Variants in NCOR1 observed in about 807,000 individuals in gnomAD.
The protein encoded by NCOR1 is protein phosphatase 1, regulatory subunit 109.
A neutral mutation model predicts 288.1 loss-of-function variants in NCOR1; 63 were observed. The ratio of observed to expected loss-of-function variants is 0.22; its 90% CI spans 0.18 to 0.27. The LOEUF (loss-of-function observed/expected upper bound fraction) is 0.27, where lower values mean the gene tolerates loss of function less well. Ranked by LOEUF, NCOR1 falls within the 10% of genes least tolerant of loss-of-function variation. The pLI is 1.00. For synonymous variants in NCOR1, 1,007 were observed against 1,065.9 expected (o/e 0.94, Z 1.08); for missense variants, 2,397 against 3,019.2 (o/e 0.79, Z 4.83).
chr17:16,080,664 G>C lies in NCOR1; in HGVS notation c.3241C>G (p.Pro1081Ala). The change falls in exon 24 of 46, where the codon CCG becomes GCG. Residue 1081 changes from proline (P) to alanine (A), a missense_variant. By Grantham distance (27) the Pro-to-Ala change is conservative. Coordinates refer to ENST00000268712, the MANE Select transcript of NCOR1 (RefSeq NM_006311.4). ...QASYTQETPK[P>A]SVGSISLGLP... ...CCAAGAGAGATAGATCCCACTGACGGCTTGGGTGTTTCTTGAGTGTAGGAA... is the reference window on the plus strand; with the variant it reads ...CCAAGAGAGATAGATCCCACTGACGCCTTGGGTGTTTCTTGAGTGTAGGAA... 1 of 1,614,076 alleles carries C rather than the reference G, an allele frequency of 6.2e-7. No homozygotes were observed. Among genetic ancestry groups the C allele is most frequent in the Non-Finnish European group, 8.5e-7 (1 of 1,179,994 alleles).
At chr17:16,205,357 G>A (rs1160266573) in intron 1 of NCOR1, among the ~76,000 whole-genome samples, 2 of 152,160 alleles carry the variant, frequency 1.3e-5, no homozygotes, top group African/African-American at 4.8e-5. Flanking sequence ...GCTCAGTGAT[G>A]CATGCCTGTA....
At chr17:16,036,321 C>T (rs965498770) in intron 44 of NCOR1, among the ~76,000 whole-genome samples, 4 of 152,214 alleles carry the variant, frequency 2.6e-5, no homozygotes, top group East Asian at 1.9e-4. Flanking sequence ...TCTGTAAACA[C>T]ATGCTGTCAT....
intron 35 of NCOR1, 57 bp downstream of exon 35, chr17:16,064,011 G>A (rs757368842): frequency 6.9e-6 from 11 of 1,594,060 alleles, no homozygotes; most frequent in Middle Eastern, 3.3e-4. Context: ...ATTAAGCACA[G>A]TGTACAAGAT....
chr17:16,091,750 TATA>T, intron 22 of NCOR1, 110 bp downstream of exon 22: 1 of 1,553,532 alleles, frequency 6.4e-7, no homozygotes, highest in Non-Finnish European at 8.7e-7. Flanking sequence ...TTAGGACAAA[TATA>T]ATAATCAGTT....
chr17:16,094,001 G>A lies in NCOR1; in HGVS notation c.2821-1943C>T, dbSNP rs558119785. ...CACCTCACCACAACCTCAAACTCTC[G>A]AGCTCAAGGAATCCTTCCACCTCAG... On this transcript the variant is annotated intron_variant, in intron 21 of 45. Coordinates refer to ENST00000268712, the MANE Select transcript of NCOR1 (RefSeq NM_006311.4). Among the ~76,000 whole-genome samples the A allele has an allele frequency of 2.6e-5, 4 of 151,872 alleles. No individual in the cohort carries two copies. In the South Asian group the frequency reaches 8.3e-4, roughly 32 times the overall value.
Position 16,058,723 on chromosome 17 carries a change from T to C in NCOR1, c.5882-124A>G, listed in dbSNP as rs1051902375. 4.8e-6 allele frequency: 5 copies of C among 1,041,490 alleles called. No individual in the cohort carries two copies. The South Asian group carries it at 7.6e-5, about 16-fold the overall frequency. 64.5% of individuals were successfully genotyped at this position (1,041,490 alleles called of 1,614,324 possible). On this transcript the variant is annotated intron_variant, in intron 37 of 45. Coordinates refer to ENST00000268712, the MANE Select transcript of NCOR1 (RefSeq NM_006311.4). ...CATGTTCAAAGGTATTCCAGGTTAA[T>C]GAGGGTTTTCTGAAGTTTTATGGGC...
chr17:16,146,657 T>C, intron 9 of NCOR1, 109 bp from the exon 10 acceptor site: 1 of 1,029,406 alleles, frequency 9.7e-7, no homozygotes, highest in Non-Finnish European at 1.3e-6. Flanking sequence ...AGAAGTACAT[T>C]TGGCTTATGA....
rs1235059966 is a variant in NCOR1 at position 16,101,428 on chromosome 17, C to T, written c.2512G>A (p.Gly838Ser). ...AAGTCTCTTTCTTTGGTATTATCACCTTCAACTTTAGATGCATGGTTTTCT... is the reference window on the plus strand; with the variant it reads ...AAGTCTCTTTCTTTGGTATTATCACTTTCAACTTTAGATGCATGGTTTTCT... ...VPENHASKVEGDNTKERDLDR... is the reference protein window; with the variant it reads ...VPENHASKVESDNTKERDLDR... The change falls in exon 20 of 46, where the codon GGT becomes AGT. Residue 838 changes from glycine (G) to serine (S), a missense_variant. Coordinates refer to ENST00000268712, the MANE Select transcript of NCOR1 (RefSeq NM_006311.4). 6.2e-7 allele frequency: 1 copy of T among 1,614,210 alleles called. No homozygotes were observed. The highest frequency in any genetic ancestry group is 2.2e-5 in the East Asian group (1 of 44,894).
At position 16,101,380 on chromosome 17, in the gene NCOR1, C is replaced by T. The variant is rs765129231; in HGVS notation, c.2560G>A (p.Glu854Lys). Residue 854 changes from glutamate to lysine, a missense_variant, in exon 20 of 46, where the codon GAA becomes AAA. Physicochemically the swap from Glu to Lys is moderately conservative, Grantham distance 56. This residue lies in a region of NCOR1 where 1,872 missense variants were observed against 2,187.8 expected (regional missense o/e 0.86). Coordinates refer to ENST00000268712, the MANE Select transcript of NCOR1 (RefSeq NM_006311.4). ...RDLDRASEKV[E>K]PRDEDLVVAQ... The stretch of plus-strand genomic sequence containing the variant: ...ACCACCAAATCTTCATCTCTAGGTT[C>T]CACCTTCTCACTGGCTCTATCCAAG... The T allele has an allele frequency of 3.1e-6, 5 of 1,614,210 alleles. No homozygotes were observed. In the East Asian group the frequency reaches 8.9e-5, roughly 29 times the overall value.
At chr17:16,114,239 G>C (rs1040237709) in intron 18 of NCOR1, among the ~76,000 whole-genome samples, 3 of 148,542 alleles carry the variant, frequency 2.0e-5, no homozygotes, top group Non-Finnish European at 3.0e-5. Context: ...CACAAAAATA[G>C]CATGAGAAAG....
At chr17:16,046,852 A>G (rs770432492) in intron 42 of NCOR1, 99 bp downstream of exon 42, 2 of 1,388,394 alleles carry the variant, frequency 1.4e-6, no homozygotes, top group South Asian at 1.4e-5. Context: ...GATGTCCTGT[A>G]AAGAGCCTTC....
chr17:16,210,830 C>T (rs975369353), intron 1 of NCOR1, among the ~76,000 whole-genome samples: 7 of 151,694 alleles, frequency 4.6e-5, no homozygotes, highest in South Asian at 2.1e-4. Context: ...CCCGGGTTCA[C>T]GCCATTCTCC....
Position 16,029,533 on chromosome 17 carries a change from T to C in NCOR1, c.*2763A>G, listed in dbSNP as rs529316617. On this transcript the variant is annotated 3_prime_UTR_variant, in exon 46 of 46. Coordinates refer to ENST00000268712, the MANE Select transcript of NCOR1 (RefSeq NM_006311.4). ...GGAAAACTGGCTGTCAGAATACTTTTATGAAGAGTATTAGGAAGACCTTAA... is the reference window on the plus strand; with the variant it reads ...GGAAAACTGGCTGTCAGAATACTTTCATGAAGAGTATTAGGAAGACCTTAA... The C allele has an allele frequency of 5.0e-5, 13 of 262,086 alleles. No individual in the cohort carries two copies. In the East Asian group the frequency reaches 1.2e-3, roughly 23 times the overall value. 16.2% of individuals were successfully genotyped at this position (262,086 alleles called of 1,614,324 possible).
At chr17:16,175,830 C>G (rs1036000826) in intron 3 of NCOR1, among the ~76,000 whole-genome samples, 14 of 106,244 alleles carry the variant, frequency 1.3e-4, no homozygotes, top group African/African-American at 4.9e-4. Context: ...GACTTTGTCT[C>G]TTTTAAAAAA....
intron 18 of NCOR1, among the ~76,000 whole-genome samples, chr17:16,117,198 A>G (rs1052052642): frequency 7.2e-5 from 11 of 152,234 alleles, no homozygotes; most frequent in African/African-American, 2.7e-4. Context: ...GATATTATCA[A>G]CAGACCTCCA....
intron 2 of NCOR1, among the ~76,000 whole-genome samples, chr17:16,190,893 A>G (rs1251177296): frequency 6.6e-6 from 1 of 152,220 alleles, no homozygotes; most frequent in Non-Finnish European, 1.5e-5. Context: ...CCTACCTACC[A>G]TACTCTAGGC....
intron 21 of NCOR1, among the ~76,000 whole-genome samples, chr17:16,093,859 C>T (rs2065852214): frequency 1.3e-5 from 2 of 152,058 alleles, no homozygotes; most frequent in Non-Finnish European, 2.9e-5. Flanking sequence ...TATTTTTTAA[C>T]CTAATAGAGC....
intron 2 of NCOR1, among the ~76,000 whole-genome samples, chr17:16,193,804 C>T (rs1388715448): frequency 6.6e-6 from 1 of 152,118 alleles, no homozygotes; most frequent in Non-Finnish European, 1.5e-5. Flanking sequence ...CATGACTGCA[C>T]TTCAAAGGAG....
intron 14 of NCOR1, among the ~76,000 whole-genome samples, chr17:16,131,155 C>T (rs901031746): frequency 6.6e-6 from 1 of 151,752 alleles, no homozygotes. Flanking sequence ...CTGTGCCAGG[C>T]TAATTTTTTA....
Sources: gnomAD v4.1 joint callset for allele counts (sites outside exome capture counted in the v4.1 genomes callset) on GRCh38, gnomAD v4.1.1 for gene constraint, gnomAD v4.1.1 regional missense constraint, MANE v1.5 for transcripts, NCBI Gene and HGNC (gene_info 2026-07-23, HGNC 2026-07-21) for gene names.